KCNMB4: variants seen among roughly 807,000 people sequenced by gnomAD.
The protein encoded by KCNMB4 is calcium-activated potassium channel subunit beta-4.
In KCNMB4, 3 loss-of-function variants were observed where a neutral mutation model predicts 20.7. The ratio of observed to expected loss-of-function variants is 0.14; its 90% CI spans 0.07 to 0.37. The LOEUF (loss-of-function observed/expected upper bound fraction) is 0.37, where lower values mean the gene tolerates loss of function less well. Ranked by LOEUF, KCNMB4 falls within the 10% of genes least tolerant of loss-of-function variation. The pLI is 1.00. For synonymous variants in KCNMB4, 110 were observed against 113.4 expected (o/e 0.97, Z 0.19); for missense variants, 168 against 265.9 (o/e 0.63, Z 2.56).
intron 1 of KCNMB4, among the ~76,000 whole-genome samples, chr12:70,389,129 T>C (rs1245557022): frequency 1.3e-5 from 2 of 152,198 alleles, no homozygotes; most frequent in Non-Finnish European, 2.9e-5. Flanking sequence ...TTTAAATAAA[T>C]ATGATTCTAT....
chr12:70,401,636 C>CTTTTTTT (rs11382485), intron 2 of KCNMB4, among the ~76,000 whole-genome samples: 1 of 139,952 alleles, frequency 7.1e-6, no homozygotes, highest in Non-Finnish European at 1.5e-5. Context: ...AGCAATGACA[C>CTTTTTTT]TTTTTTTTTT....
rs1265582000 is a variant in KCNMB4 at position 70,434,154 on chromosome 12, T to G, written c.*3501T>G. On this transcript the variant is annotated 3_prime_UTR_variant, in exon 3 of 3. Transcript: ENST00000258111. The stretch of plus-strand genomic sequence containing the variant: ...CAAATCACGCAAGCCCTGGCATGCA[T>G]GCAGGAAGCTTCACCCCAGCCTCAC... The G allele has an allele frequency of 6.6e-6, 1 of 152,198 alleles. No homozygotes were observed. Among genetic ancestry groups the G allele is most frequent in the Non-Finnish European group, 1.5e-5 (1 of 68,100 alleles). The allele number at this position is 152,198 out of a possible 1,614,324, so 9.4% of individuals were successfully genotyped here.
rs779409213 is a variant in KCNMB4, at chr12:70,367,873, G to GA, written c.336+815dup. ...AAGCAAGCAAGAAGAAAAAGAAAAA[G>GA]AAAAAAAAAAAAGATAAAACCTGGT... On this transcript the variant is annotated intron_variant, in intron 1 of 2. Transcript: ENST00000258111. 1.2e-3 allele frequency among the ~76,000 whole-genome samples: 157 copies of GA among 135,752 alleles called. No homozygotes were observed. In the South Asian group the frequency reaches 0.013, roughly 11 times the overall value. 89.1% of individuals were successfully genotyped at this position (135,752 alleles called of 152,430 possible). A position where few individuals can be genotyped will look rare whatever the true frequency, so the allele number is the denominator to read the frequency against.
intron 2 of KCNMB4, among the ~76,000 whole-genome samples, chr12:70,414,822 A>C (rs969342065): frequency 6.6e-6 from 1 of 152,184 alleles, no homozygotes; most frequent in African/African-American, 2.4e-5. Context: ...TTTAAAATTT[A>C]TTCCTATATG....
chr12:70,390,446 C>T (rs1399203500), intron 1 of KCNMB4, among the ~76,000 whole-genome samples: 1 of 152,206 alleles, frequency 6.6e-6, no homozygotes, highest in Non-Finnish European at 1.5e-5. Context: ...CAGTAACAAA[C>T]CACTTGTTTC....
intron 2 of KCNMB4, among the ~76,000 whole-genome samples, chr12:70,416,219 C>T (rs912806930): frequency 1.3e-5 from 2 of 152,090 alleles, no homozygotes; most frequent in African/African-American, 2.4e-5. Context: ...TGTCTTGGGT[C>T]GTGTGCAGCT....
At chr12:70,395,972 G>A (rs1192464855) in intron 1 of KCNMB4, among the ~76,000 whole-genome samples, 3 of 152,134 alleles carry the variant, frequency 2.0e-5, no homozygotes, top group South Asian at 2.1e-4. Context: ...CCATGGCACC[G>A]GAAACCAACC....
chr12:70,402,654 CAAA>C (rs34956547), intron 2 of KCNMB4, among the ~76,000 whole-genome samples: 39 of 75,100 alleles, frequency 5.2e-4, no homozygotes, highest in Middle Eastern at 9.1e-3. Flanking sequence ...GACCCTGCCT[CAAA>C]AAAAAAAAAA....
chr12:70,417,733 A>T (rs565898235), intron 2 of KCNMB4, among the ~76,000 whole-genome samples: 1 of 152,304 alleles, frequency 6.6e-6, no homozygotes, highest in East Asian at 1.9e-4. Flanking sequence ...AATTTGCTTA[A>T]CTGACACTCT....
intron 1 of KCNMB4, among the ~76,000 whole-genome samples, chr12:70,398,543 TTCAA>T (rs1457767687): frequency 2.6e-5 from 4 of 152,298 alleles, no homozygotes; most frequent in African/African-American, 9.6e-5. Context: ...CATTCAGTGA[TTCAA>T]TCATTAAAAT....
At chr12:70,398,859 G>C (rs1868384878) in intron 1 of KCNMB4, among the ~76,000 whole-genome samples, 1 of 152,202 alleles carries the variant, frequency 6.6e-6, no homozygotes, top group South Asian at 2.1e-4. Flanking sequence ...TGTGTTTCCA[G>C]CTGTGATATC....
At chr12:70,425,054 C>T (rs1287112721) in intron 2 of KCNMB4, among the ~76,000 whole-genome samples, 1 of 152,116 alleles carries the variant, frequency 6.6e-6, no homozygotes, top group Non-Finnish European at 1.5e-5. Context: ...AGTCATGAAT[C>T]AATAGATCAA....
At chr12:70,382,195 C>A (rs902616676) in intron 1 of KCNMB4, among the ~76,000 whole-genome samples, 7 of 151,808 alleles carry the variant, frequency 4.6e-5, no homozygotes, top group African/African-American at 1.7e-4. Context: ...CCTGTAATCC[C>A]AGCACTTTGG....
chr12:70,370,740 T>C (rs559975666), intron 1 of KCNMB4, among the ~76,000 whole-genome samples: 8 of 150,456 alleles, frequency 5.3e-5, no homozygotes, highest in African/African-American at 2.0e-4. Context: ...TCCAGACATT[T>C]GCATTTGCAT....
chr12:70,384,252 A>G (rs1883846562), intron 1 of KCNMB4, among the ~76,000 whole-genome samples: 1 of 152,236 alleles, frequency 6.6e-6, no homozygotes, highest in Non-Finnish European at 1.5e-5. Flanking sequence ...CACACCATAA[A>G]TACGATTTTT....
At chr12:70,426,769 A>T (rs1463303180) in intron 2 of KCNMB4, among the ~76,000 whole-genome samples, 5 of 152,208 alleles carry the variant, frequency 3.3e-5, no homozygotes, top group Non-Finnish European at 7.3e-5. Context: ...ATGAGTCTGA[A>T]TGTCCTACCA....
intron 2 of KCNMB4, among the ~76,000 whole-genome samples, chr12:70,410,448 T>C (rs903059766): frequency 3.9e-5 from 6 of 152,232 alleles, no homozygotes; most frequent in East Asian, 3.9e-4. Flanking sequence ...TTATAGATTA[T>C]GAATTCCTTA....
chr12:70,406,962 C>G (rs1028271499), intron 2 of KCNMB4, among the ~76,000 whole-genome samples: 2 of 152,146 alleles, frequency 1.3e-5, no homozygotes, highest in Non-Finnish European at 2.9e-5. Flanking sequence ...CCACACCAAG[C>G]AGTTCAGTTC....
chr12:70,378,736 C>T (rs1883731965), intron 1 of KCNMB4, among the ~76,000 whole-genome samples: 1 of 152,062 alleles, frequency 6.6e-6, no homozygotes, highest in Non-Finnish European at 1.5e-5. Flanking sequence ...AAGGCTTCAC[C>T]ATGTTGATCA....
Sources: gnomAD v4.1 joint callset for allele counts (sites outside exome capture counted in the v4.1 genomes callset) on GRCh38, gnomAD v4.1.1 for gene constraint, MANE v1.5 for transcripts, NCBI Gene and HGNC (gene_info 2026-07-23, HGNC 2026-07-21) for gene names.